Variants in MTUS2 observed in about 807,000 individuals in gnomAD.
MTUS2 encodes microtubule-associated tumor suppressor candidate 2.
MTUS2 carries 40 observed loss-of-function variants against 114.1 expected under a neutral mutation model. The ratio of observed to expected loss-of-function variants is 0.35; its 90% CI spans 0.27 to 0.46. MTUS2 has a LOEUF of 0.46. Among genes scored for constraint, MTUS2 ranks in the 20% least tolerant of loss-of-function variants. MTUS2 has a pLI of 1.00. For missense variants in MTUS2, 1,679 were observed against 1,705.4 expected, an observed-to-expected ratio of 0.98 and a Z score of 0.27; for synonymous variants, 688 against 672.0, an observed-to-expected ratio of 1.02 and a Z score of -0.37.
intron 2 of MTUS2, among the ~76,000 whole-genome samples, chr13:29,001,001 G>A (rs74041702): frequency 0.018 from 2,692 of 152,228 alleles, 82 homozygotes; most frequent in African/African-American, 0.061. Context: ...AGTCCTTAGG[G>A]TAGGATCAGG....
At chr13:29,493,626 C>T (rs1197632865) in intron 12 of MTUS2, among the ~76,000 whole-genome samples, 1 of 152,176 alleles carries the variant, frequency 6.6e-6, no homozygotes, top group Non-Finnish European at 1.5e-5. Flanking sequence ...CAGGGTCACA[C>T]TCTCCAGTGT....
chr13:29,249,898 G>A (rs1897064521), intron 5 of MTUS2, among the ~76,000 whole-genome samples: 1 of 152,102 alleles, frequency 6.6e-6, no homozygotes, highest in South Asian at 2.1e-4. Context: ...AGATTTAAAT[G>A]TAAAATCCCA....
intron 7 of MTUS2, among the ~76,000 whole-genome samples, chr13:29,351,639 T>G (rs1481466068): frequency 6.6e-6 from 1 of 152,060 alleles, no homozygotes; most frequent in Non-Finnish European, 1.5e-5. Context: ...GGTCTCCCTC[T>G]GTCACCCAGG....
chr13:29,123,397 T>C (rs1473784071), intron 5 of MTUS2, among the ~76,000 whole-genome samples: 2 of 152,186 alleles, frequency 1.3e-5, no homozygotes, highest in Non-Finnish European at 2.9e-5. Flanking sequence ...ACTTACCACA[T>C]TGATATTTCT....
intron 2 of MTUS2, among the ~76,000 whole-genome samples, chr13:28,987,806 C>T (rs982823477): frequency 6.6e-6 from 1 of 152,216 alleles, no homozygotes; most frequent in Non-Finnish European, 1.5e-5. Flanking sequence ...ATGTGAATGT[C>T]TTTAATGCTG....
intron 4 of MTUS2, among the ~76,000 whole-genome samples, chr13:29,057,151 G>A (rs1019381536): frequency 1.2e-4 from 18 of 151,846 alleles, no homozygotes; most frequent in African/African-American, 3.6e-4. Flanking sequence ...ATTGTGCTGC[G>A]GCCTAAGAGT....
At chr13:29,395,960 C>A (rs534774200) in intron 8 of MTUS2, among the ~76,000 whole-genome samples, 2 of 152,154 alleles carry the variant, frequency 1.3e-5, no homozygotes, top group East Asian at 3.8e-4. Context: ...TGAAATAACA[C>A]TGAGCAAGTA....
chr13:29,242,780 T>TCTAATAACA (rs1896776452), intron 5 of MTUS2: 3 of 152,252 alleles, frequency 2.0e-5, no homozygotes, highest in Non-Finnish European at 4.4e-5. Flanking sequence ...CATTGTTGAG[T>TCTAATAACA]ACCTACTATT....
chr13:29,201,437 C>G (rs1894954291), intron 5 of MTUS2, among the ~76,000 whole-genome samples: 1 of 152,030 alleles, frequency 6.6e-6, no homozygotes, highest in Admixed American at 6.6e-5. Flanking sequence ...ATACAGCACA[C>G]CAATGAGTCT....
intron 7 of MTUS2, among the ~76,000 whole-genome samples, chr13:29,351,390 C>T (rs1382647323): frequency 6.6e-6 from 1 of 152,044 alleles, no homozygotes; most frequent in African/African-American, 2.4e-5. Flanking sequence ...GTCATCTCTC[C>T]CATCCCCAAA....
At chr13:29,251,961 T>C (rs1452304017) in intron 5 of MTUS2, among the ~76,000 whole-genome samples, 1 of 152,194 alleles carries the variant, frequency 6.6e-6, no homozygotes, top group East Asian at 1.9e-4. Flanking sequence ...AGGACTGGAA[T>C]TGCTGGATCA....
intron 6 of MTUS2, among the ~76,000 whole-genome samples, chr13:29,301,523 A>G (rs1040191131): frequency 1.3e-5 from 2 of 152,198 alleles, no homozygotes; most frequent in Admixed American, 6.5e-5. Flanking sequence ...TTTATTAATA[A>G]TCTACAGTGT....
intron 2 of MTUS2, among the ~76,000 whole-genome samples, chr13:28,955,904 T>C (rs1204223208): frequency 6.6e-6 from 1 of 151,654 alleles, no homozygotes; most frequent in African/African-American, 2.4e-5. Flanking sequence ...CATGGATGAA[T>C]TTTCTTTTTT....
intron 5 of MTUS2, among the ~76,000 whole-genome samples, chr13:29,266,251 T>C (rs990462468): frequency 1.6e-4 from 24 of 152,314 alleles, no homozygotes; most frequent in South Asian, 4.1e-4. Context: ...TAGGTACCAC[T>C]TTTATCCCCA....
chr13:29,502,199 C>A (rs1213576976), intron 15 of MTUS2, among the ~76,000 whole-genome samples: 1 of 152,238 alleles, frequency 6.6e-6, no homozygotes, highest in African/African-American at 2.4e-5. Context: ...AGAGCAAGTG[C>A]AGACTTTATC....
At chr13:29,250,060 T>TA (rs1401370519) in intron 5 of MTUS2, among the ~76,000 whole-genome samples, 1 of 152,164 alleles carries the variant, frequency 6.6e-6, no homozygotes, top group African/African-American at 2.4e-5. Context: ...CAGCAAAAGA[T>TA]ACCCTGTAAT....
At chr13:29,087,909 A>C (rs1238254144) in intron 4 of MTUS2, among the ~76,000 whole-genome samples, 1 of 152,098 alleles carries the variant, frequency 6.6e-6, no homozygotes, top group Non-Finnish European at 1.5e-5. Flanking sequence ...ACACAAAAAA[A>C]TTAGCCAGGC....
At chr13:29,006,568 C>T (rs1885608284) in intron 2 of MTUS2, among the ~76,000 whole-genome samples, 1 of 152,146 alleles carries the variant, frequency 6.6e-6, no homozygotes, top group Admixed American at 6.5e-5. Context: ...AACCATGATC[C>T]AAAGCAGAGG....
At chr13:29,152,425 A>T (rs2139043831) in intron 5 of MTUS2, among the ~76,000 whole-genome samples, 1 of 152,290 alleles carries the variant, frequency 6.6e-6, no homozygotes, top group Middle Eastern at 3.4e-3. Flanking sequence ...TAGAGGGATA[A>T]AACAGCAAAT....
Sources: gnomAD v4.1 joint callset for allele counts (sites outside exome capture counted in the v4.1 genomes callset) on GRCh38, gnomAD v4.1.1 for gene constraint, MANE v1.5 for transcripts, NCBI Gene and HGNC (gene_info 2026-07-23, HGNC 2026-07-21) for gene names.